CTSB: variants seen among roughly 807,000 people sequenced by gnomAD.
CTSB encodes the protein APP secretase.
Under a neutral mutation model 44.3 loss-of-function variants are expected in CTSB, and 57 were observed. The observed-to-expected ratio is 1.29, with a 90% CI of 1.04 to 1.60. CTSB has a LOEUF of 1.60. CTSB is among the 40% of genes most tolerant of loss of function. The pLI is 0.00. For synonymous variants in CTSB, 320 were observed against 168.0 expected (o/e 1.91, Z -7.00); for missense variants, 768 against 443.0 (o/e 1.73, Z -6.59).
intron 8 of CTSB, chr8:11,846,279 C>T (rs1336037283): frequency 6.6e-6 from 1 of 152,352 alleles, no homozygotes; most frequent in African/African-American, 2.4e-5. Flanking sequence ...TCAGGGCTGC[C>T]CAACCAGGCT....
chr8:11,859,979 G>A (rs1294468255), intron 1 of CTSB, among the ~76,000 whole-genome samples: 3 of 151,164 alleles, frequency 2.0e-5, no homozygotes, highest in Non-Finnish European at 4.4e-5. Context: ...AGCTGAGGCA[G>A]GAAAATTGCT....
intron 1 of CTSB, among the ~76,000 whole-genome samples, chr8:11,861,833 G>A (rs755568975): frequency 6.6e-6 from 1 of 152,206 alleles, no homozygotes; most frequent in African/African-American, 2.4e-5. Flanking sequence ...CCAGCTTGCA[G>A]AACACGGCGG....
Position 11,845,040 on chromosome 8 carries a change from C to A in CTSB, c.*85G>T. ...CCAGTCCTTCAGACCCTGTCTGAAA[C>A]TTGTATCTTACGTGAACTTAAAGAA... On this transcript the variant is annotated 3_prime_UTR_variant, in exon 10 of 10. Transcript: ENST00000353047. 1.1e-6 allele frequency: 1 copy of A among 948,018 alleles called. No homozygotes were observed. The highest frequency in any genetic ancestry group is 1.4e-5 in the South Asian group (1 of 73,508). 58.7% of individuals were successfully genotyped at this position (948,018 alleles called of 1,614,324 possible).
intron 6 of CTSB, 70 bp from the exon 7 acceptor site, chr8:11,847,892 C>A: frequency 7.0e-7 from 1 of 1,430,218 alleles, no homozygotes; most frequent in Non-Finnish European, 9.3e-7. Flanking sequence ...CAAGGCAAGC[C>A]TCGTGCCTGC....
At chr8:11,866,862 T>A (rs1467325280) in intron 1 of CTSB, among the ~76,000 whole-genome samples, 1 of 152,158 alleles carries the variant, frequency 6.6e-6, no homozygotes, top group South Asian at 2.1e-4. Flanking sequence ...AACGCCCTCT[T>A]AGGCCTCTTC....
intron 1 of CTSB, chr8:11,864,399 C>T (rs115466033): frequency 6.7e-6 from 1 of 149,870 alleles, no homozygotes; most frequent in Non-Finnish European, 1.5e-5. Flanking sequence ...GAGGTGGGAA[C>T]CAGATCGCTT....
chr8:11,847,200 G>C (rs1215567929), intron 7 of CTSB, 32 bp from the exon 8 acceptor site: 1 of 1,441,800 alleles, frequency 6.9e-7, no homozygotes, highest in Non-Finnish European at 9.8e-7. Flanking sequence ...GGGTTGGGGA[G>C]GGCAGTGACC....
chr8:11,867,641 G>A (rs1817356032), intron 1 of CTSB: 1 of 152,250 alleles, frequency 6.6e-6, no homozygotes, highest in Non-Finnish European at 1.5e-5. Flanking sequence ...CCAGGCAGCA[G>A]TCTCCGGACC....
At position 11,844,873 on chromosome 8, in the gene CTSB, C is replaced by T; in HGVS notation, c.*252G>A. The T allele has an allele frequency of 6.4e-6, 3 of 467,098 alleles. No individual in the cohort carries two copies. Among genetic ancestry groups the T allele is most frequent in the South Asian group, 3.6e-5 (1 of 27,704 alleles). The allele number at this position is 467,098 out of a possible 1,614,324, so 28.9% of individuals were successfully genotyped here. A position where few individuals can be genotyped will look rare whatever the true frequency, so the allele number is the denominator to read the frequency against. On this transcript the variant is annotated 3_prime_UTR_variant, in exon 10 of 10. Coordinates refer to ENST00000353047, the MANE Select transcript of CTSB (RefSeq NM_001908.5). ...CCACAGTCAGCTGGGGCAGCAGGTACTCCCTACGGCACTAGTCTACAGGGG... is the reference window on the plus strand; with the variant it reads ...CCACAGTCAGCTGGGGCAGCAGGTATTCCCTACGGCACTAGTCTACAGGGG...
intron 3 of CTSB, among the ~76,000 whole-genome samples, chr8:11,852,296 G>T (rs1355231254): frequency 6.6e-6 from 1 of 152,226 alleles, no homozygotes; most frequent in East Asian, 1.9e-4. Flanking sequence ...GCTTGAACCC[G>T]GGAGACAGAG....
intron 1 of CTSB, 196 bp downstream of exon 1, chr8:11,867,805 A>C (rs371774235): frequency 1.3e-5 from 2 of 152,066 alleles, no homozygotes; most frequent in East Asian, 3.9e-4. Flanking sequence ...GACGCTTCGG[A>C]GCGCGCGGAC....
At chr8:11,848,350 G>A (rs1813850942) in intron 5 of CTSB, 198 bp from the exon 6 acceptor site, 1 of 683,066 alleles carries the variant, frequency 1.5e-6, no homozygotes, top group East Asian at 2.8e-5. Flanking sequence ...ATAACCGCCA[G>A]CCCCACCCCT....
At position 11,846,084 on chromosome 8, in the gene CTSB, G is replaced by C. The variant is rs56270739; in HGVS notation, c.794-295C>G. On this transcript the variant is annotated intron_variant, in intron 8 of 9. Transcript: ENST00000353047. ...CATTCTAATTGATAAAACATTTAAT[G>C]CTAGATGACTGATTCATCTGTTCTT... 8.7e-3 allele frequency: 1,943 copies of C among 222,550 alleles called. 32 individuals are homozygous for C. The highest frequency in any genetic ancestry group is 0.042 in the African/African-American group (1,825 of 43,786). The allele number at this position is 222,550 out of a possible 1,614,324, so 13.8% of individuals were successfully genotyped here. A position where few individuals can be genotyped will look rare whatever the true frequency, so the allele number is the denominator to read the frequency against.
At chr8:11,864,318 G>GAAAAAC (rs1816813507) in intron 1 of CTSB, 2 of 45,570 alleles carry the variant, frequency 4.4e-5, no homozygotes, top group African/African-American at 1.0e-4. Flanking sequence ...CTCTACCAAC[G>GAAAAAC]AAAAAAAAAA....
rs761074908 is a variant in CTSB at position 11,848,201 on chromosome 8, T to G, written c.447-49A>C. ...AACCTCTGAGAGAAGCACCACCAGC[T>G]CTCCAGACCACTGTGTGCTACCCAA... is the stretch of plus-strand genomic sequence containing the variant. On this transcript the variant is annotated intron_variant, in intron 5 of 9. Transcript: ENST00000353047. 4 of 1,526,454 alleles carry G rather than the reference T, an allele frequency of 2.6e-6. No homozygotes were observed. In the East Asian group the frequency reaches 9.0e-5, roughly 34 times the overall value. The allele number at this position is 1,526,454 out of a possible 1,614,324, so 94.6% of individuals were successfully genotyped here. A position where few individuals can be genotyped will look rare whatever the true frequency, so the allele number is the denominator to read the frequency against.
intron 8 of CTSB, among the ~76,000 whole-genome samples, chr8:11,846,642 AT>A (rs1188686588): frequency 6.6e-6 from 1 of 152,218 alleles, no homozygotes; most frequent in Non-Finnish European, 1.5e-5. Flanking sequence ...GATGAAGAAA[AT>A]GTGTCAGCCA....
rs147055995 is a variant in CTSB, at chr8:11,845,521, T to C, written c.922+140A>G. The C allele has an allele frequency of 2.3e-4, 239 of 1,031,980 alleles. No individual in the cohort carries two copies. In the African/African-American group the frequency reaches 3.2e-3, roughly 14 times the overall value. 63.9% of individuals were successfully genotyped at this position (1,031,980 alleles called of 1,614,324 possible). A position where few individuals can be genotyped will look rare whatever the true frequency, so the allele number is the denominator to read the frequency against. On this transcript the variant is annotated intron_variant, in intron 9 of 9. Transcript: ENST00000353047. Reference sequence around the variant, plus strand: ...CAGCAAAAGGGAACTCCTGACTGCCTGGCACTTAGGAGGAGCTCACAGCCT... The same window carrying C: ...CAGCAAAAGGGAACTCCTGACTGCCCGGCACTTAGGAGGAGCTCACAGCCT...
rs1276458869 is a variant in CTSB, at chr8:11,852,950, T to A, written c.127-255A>T. 5.3e-5 allele frequency among the ~76,000 whole-genome samples: 8 copies of A among 152,268 alleles called. No individual in the cohort carries two copies. The South Asian group carries it at 1.7e-3, about 32-fold the overall frequency. On this transcript the variant is annotated intron_variant, in intron 2 of 9. Transcript: ENST00000353047. ...ATGGCTCACTCCTCATTCTTGGTTCTCAGTCCGAGGGTCAGGGCTGGGCAG... is the reference window on the plus strand; with the variant it reads ...ATGGCTCACTCCTCATTCTTGGTTCACAGTCCGAGGGTCAGGGCTGGGCAG...
At chr8:11,852,718 C>A (rs552542779) in intron 2 of CTSB, 23 bp from the exon 3 acceptor site, 175 of 1,609,684 alleles carry the variant, frequency 1.1e-4, no homozygotes, top group South Asian at 8.0e-4. Flanking sequence ...CACCCACTGA[C>A]TGAAGGGTCT....
Sources: gnomAD v4.1 joint callset for allele counts (sites outside exome capture counted in the v4.1 genomes callset) on GRCh38, gnomAD v4.1.1 for gene constraint, MANE v1.5 for transcripts, NCBI Gene and HGNC (gene_info 2026-07-23, HGNC 2026-07-21) for gene names.